ISLR2: variants seen among roughly 807,000 people sequenced by gnomAD.
ISLR2 encodes the protein immunoglobulin superfamily containing leucine rich repeat 2.
A neutral mutation model predicts 25.5 loss-of-function variants in ISLR2; 16 were observed. That is an observed-to-expected ratio of 0.63 (90% CI 0.43 to 0.95). ISLR2 has a LOEUF of 0.95. ISLR2 is among the 40% of genes least tolerant of loss of function. The pLI is 0.00. For missense variants in ISLR2, 883 were observed against 1,030.7 expected (o/e 0.86, Z 1.96); for synonymous variants, 508 against 486.6 (o/e 1.04, Z -0.58).
chr15:74,116,857 T>G (rs1419177682), intron 2 of ISLR2, among the ~76,000 whole-genome samples: 1 of 152,116 alleles, frequency 6.6e-6, no homozygotes, highest in Non-Finnish European at 1.5e-5. Context: ...AAGAGGGAGT[T>G]TCAGAGACTT....
At position 74,136,535 on chromosome 15, in the gene ISLR2, T is replaced by G. The variant is rs1404725997; in HGVS notation, c.*1543T>G. 1 of 126,488 alleles carries G rather than the reference T, an allele frequency of 7.9e-6. No homozygotes were observed. Among genetic ancestry groups the G allele is most frequent in the Non-Finnish European group, 1.7e-5 (1 of 59,414 alleles). 7.8% of individuals were successfully genotyped at this position (126,488 alleles called of 1,614,324 possible). A position where few individuals can be genotyped will look rare whatever the true frequency, so the allele number is the denominator to read the frequency against. On this transcript the variant is annotated 3_prime_UTR_variant, in exon 3 of 3. Coordinates refer to ENST00000453268, the MANE Select transcript of ISLR2 (RefSeq NM_020851.3). ...AGAAAAGTCTGTGTCCTGTGAAGTG[T>G]GACCGTGTAGTGTAGGGGGGCGGGC...
intron 2 of ISLR2, among the ~76,000 whole-genome samples, chr15:74,122,014 G>C (rs1038764980): frequency 6.6e-6 from 1 of 152,182 alleles, no homozygotes; most frequent in Non-Finnish European, 1.5e-5. Flanking sequence ...AAGTGGGGGC[G>C]CCTGTCCCAT....
At position 74,132,200 on chromosome 15, in the gene ISLR2, G is replaced by A. The variant is rs2072436224; in HGVS notation, c.-8-547G>A. Among the ~76,000 whole-genome samples, 1 of 152,210 alleles carries A rather than the reference G, an allele frequency of 6.6e-6. No homozygotes were observed. The highest frequency in any genetic ancestry group is 2.1e-4 in the South Asian group (1 of 4,830). On this transcript the variant is annotated intron_variant, in intron 2 of 2. Coordinates refer to ENST00000453268, the MANE Select transcript of ISLR2 (RefSeq NM_020851.3). The surrounding 1 kb of genome is among the most constrained non-coding windows in gnomAD (Gnocchi z 4.3). ...TGTGAGTTTAGGAAATGTGTTGTGA[G>A]CCTCCTAATTGAGCATCAGGTCCTC...
chr15:74,137,482 G>A (rs1404218045), downstream of ISLR2, among the ~76,000 whole-genome samples: 1 of 152,054 alleles, frequency 6.6e-6, no homozygotes, highest in African/African-American at 2.4e-5. Context: ...GTGTGCCAAG[G>A]GGGTGCACCT....
At position 74,133,078 on chromosome 15, in the gene ISLR2, C is replaced by T. The variant is rs1439940356; in HGVS notation, c.324C>T (p.His108=). 60 of 1,613,026 alleles carry T rather than the reference C, an allele frequency of 3.7e-5. No homozygotes were observed. The highest frequency in any genetic ancestry group is 5.0e-5 in the Non-Finnish European group (59 of 1,179,982). ...AGCTCAAGAACCTCGATCTGAGCCA[C>T]AACTTCATATCCAGCTTTCCGTGGA... is the stretch of plus-strand genomic sequence containing the variant. ...LSQLKNLDLS[H]NFISSFPWSD... is the part of the protein sequence containing the mutation. Residue 108 remains histidine (H), a synonymous_variant, in exon 3 of 3, where the codon CAC becomes CAT. Transcript: ENST00000453268.
chr15:74,134,237 G>C lies in ISLR2; in HGVS notation c.1483G>C (p.Glu495Gln), dbSNP rs958323581. The C allele has an allele frequency of 1.9e-6, 3 of 1,594,146 alleles. No homozygotes were observed. The highest frequency in any genetic ancestry group is 2.7e-5 in the African/African-American group (2 of 74,506). The change falls in exon 3 of 3, where the codon GAG becomes CAG. Residue 495 changes from glutamate (E) to glutamine (Q), a missense_variant. This residue lies in a region of ISLR2 where 612 missense variants were observed against 642.8 expected (regional missense o/e 0.95). Transcript: ENST00000453268. ...ELGVIALDVA[E>Q]REARVQLTPL... ...GGGCGTCATCGCGCTGGATGTGGCG[G>C]AGCGCGAGGCGCGGGTGCAGCTGAC...
intron 2 of ISLR2, among the ~76,000 whole-genome samples, chr15:74,109,186 T>C (rs2415235): frequency 0.024 from 3,696 of 151,964 alleles, 150 homozygotes; most frequent in African/African-American, 0.085. Flanking sequence ...TAAACATAAG[T>C]TGCACAAGAT....
chr15:74,118,721 A>G (rs2141935369), intron 2 of ISLR2, among the ~76,000 whole-genome samples: 1 of 151,822 alleles, frequency 6.6e-6, no homozygotes, highest in South Asian at 2.1e-4. Flanking sequence ...GCAATGGTGC[A>G]ATCTTGGCTC....
chr15:74,116,403 A>C (rs1018730045), intron 2 of ISLR2, among the ~76,000 whole-genome samples: 1 of 151,374 alleles, frequency 6.6e-6, no homozygotes, highest in African/African-American at 2.4e-5. Flanking sequence ...ATCTCTACAA[A>C]AAAAAAAAAA....
At chr15:74,121,226 G>A (rs571124062) in intron 2 of ISLR2, among the ~76,000 whole-genome samples, 5 of 152,256 alleles carry the variant, frequency 3.3e-5, no homozygotes, top group Admixed American at 1.3e-4. Context: ...CTACCAGACA[G>A]CCGGAAGATA....
chr15:74,107,739 C>T (rs566005033), intron 2 of ISLR2, among the ~76,000 whole-genome samples: 4 of 152,316 alleles, frequency 2.6e-5, no homozygotes, highest in South Asian at 2.1e-4. Context: ...TCAGAGCTAT[C>T]GTCCCCACTT....
rs190788901 is a variant in ISLR2 at position 74,107,308 on chromosome 15, C to T, written n.228+3394C>T. Among the ~76,000 whole-genome samples the T allele has an allele frequency of 6.1e-3, 927 of 152,336 alleles. 10 individuals are homozygous for T. Among genetic ancestry groups the T allele is most frequent in the Admixed American group, 7.0e-3 (107 of 15,310 alleles). The stretch of plus-strand genomic sequence containing the variant: ...AACTGATCCACCTGTAAGAGGGCAG[C>T]ATAAGACTGCCCCATTGTCCCCAGA... On this transcript the variant is annotated intron_variant and non_coding_transcript_variant, in intron 2 of 3. Coordinates refer to the ISLR2 transcript ENST00000561975.
intron 1 of ISLR2, 181 bp from the exon 2 acceptor site, chr15:74,131,026 C>G (rs1306056543): frequency 1.3e-5 from 2 of 152,208 alleles, no homozygotes; most frequent in African/African-American, 4.8e-5. Context: ...AAGCAGGAGG[C>G]GGGAGAGGCT....
intron 2 of ISLR2, among the ~76,000 whole-genome samples, chr15:74,120,521 C>G (rs953657579): frequency 2.1e-4 from 10 of 47,468 alleles, no homozygotes; most frequent in African/African-American, 6.8e-4. Context: ...GACTCCATCT[C>G]AAAAAAAAAA....
Position 74,134,137 on chromosome 15 carries a change from C to T in ISLR2, c.1383C>T (p.Asn461=). 1.2e-6 allele frequency: 2 copies of T among 1,613,530 alleles called. No individual in the cohort carries two copies. The highest frequency in any genetic ancestry group is 8.5e-7 in the Non-Finnish European group (1 of 1,179,846). Residue 461 remains asparagine, a synonymous_variant, in exon 3 of 3, where the codon AAC becomes AAT. Transcript: ENST00000453268. ...ADPAEEQRCG[N]GDPSRYVSNH... is the part of the protein sequence containing the mutation. Reference sequence around the variant, plus strand: ...CGGCGGAGGAGCAGCGCTGTGGCAACGGGGACCCCTCTCGGTACGTTTCTA... The same window carrying T: ...CGGCGGAGGAGCAGCGCTGTGGCAATGGGGACCCCTCTCGGTACGTTTCTA...
chr15:74,132,910 C>T lies in ISLR2; in HGVS notation c.156C>T (p.Asn52=). ...LREVPEGLPA[N]VTTLSLSANK... ...AGGTGCCGGAAGGACTGCCTGCCAACGTGACGACGCTTAGTCTGTCCGCGA... is the reference window on the plus strand; with the variant it reads ...AGGTGCCGGAAGGACTGCCTGCCAATGTGACGACGCTTAGTCTGTCCGCGA... The change falls in exon 3 of 3, where the codon AAC becomes AAT. Residue 52 remains asparagine (N), a synonymous_variant. Coordinates refer to ENST00000453268, the MANE Select transcript of ISLR2 (RefSeq NM_020851.3). The surrounding 1 kb of genome is among the most constrained non-coding windows in gnomAD (Gnocchi z 4.3). 2 of 1,614,088 alleles carry T rather than the reference C, an allele frequency of 1.2e-6. No homozygotes were observed. Among genetic ancestry groups the T allele is most frequent in the East Asian group, 2.2e-5 (1 of 44,882 alleles).
chr15:74,136,882 C>G (rs780763371), downstream of ISLR2: 1 of 165,042 alleles, frequency 6.1e-6, no homozygotes, highest in African/African-American at 2.4e-5. Flanking sequence ...AGGAAGGAGC[C>G]CCCCCAGAGC....
Position 74,134,408 on chromosome 15 carries a change from G to T in ISLR2, c.1654G>T (p.Ala552Ser). 6.2e-7 allele frequency: 1 copy of T among 1,611,562 alleles called. No individual in the cohort carries two copies. The highest frequency in any genetic ancestry group is 8.5e-7 in the Non-Finnish European group (1 of 1,179,542). ...GTCCCGCGTAGAGGAAGGCGTCAACGCCTACTGGTTCCGCGGCCTGCGGCC... is the reference window on the plus strand; with the variant it reads ...GTCCCGCGTAGAGGAAGGCGTCAACTCCTACTGGTTCCGCGGCCTGCGGCC... The part of the protein sequence containing the change: ...QWSRVEEGVN[A>S]YWFRGLRPGT... The change falls in exon 3 of 3, where the codon GCC becomes TCC. Residue 552 changes from alanine (A) to serine (S), a missense_variant. Ala to Ser is a moderately conservative substitution (Grantham distance 99, BLOSUM62 1). Transcript: ENST00000453268.
Position 74,133,984 on chromosome 15 carries a change from T to A in ISLR2, c.1230T>A (p.Pro410=). 6.2e-7 allele frequency: 1 copy of A among 1,611,178 alleles called. No individual in the cohort carries two copies. The highest frequency in any genetic ancestry group is 8.5e-7 in the Non-Finnish European group (1 of 1,178,810). ...AGGGCCGGGGCAACAGCGTCCTGCC[T>A]TCCAAACCCGAGGGCAAAATCAAAG... The part of the protein sequence containing the change: ...TAKGRGNSVL[P]SKPEGKIKGQ... Residue 410 remains proline (P), a synonymous_variant, in exon 3 of 3, where the codon CCT becomes CCA. Coordinates refer to ENST00000453268, the MANE Select transcript of ISLR2 (RefSeq NM_020851.3).
Sources: allele counts gnomAD v4.1 joint callset (sites outside exome capture counted in the v4.1 genomes callset), GRCh38; gene constraint gnomAD v4.1.1; regional missense constraint gnomAD v4.1.1; non-coding constraint Gnocchi (gnomAD v3.1); transcripts MANE v1.5; gene names NCBI Gene and HGNC (gene_info 2026-07-23, HGNC 2026-07-21).